The following SHANK2 variants were observed in gnomAD, a reference collection of about 807,000 sequenced individuals.
The protein encoded by SHANK2 is SH3 and multiple ankyrin repeat domains 2, also known as SH3 and multiple ankyrin repeat domains protein 2.
SHANK2 carries 43 observed loss-of-function variants against 133.7 expected under a neutral mutation model. The ratio of observed to expected loss-of-function variants is 0.32; its 90% CI spans 0.25 to 0.41. The LOEUF (loss-of-function observed/expected upper bound fraction) is 0.41. SHANK2 is among the 10% of genes least tolerant of loss of function. The probability of loss-of-function intolerance (pLI) is 1.00; values close to 1 mark genes in which losing one functional copy is unlikely to be tolerated. For missense variants in SHANK2, 1,994 were observed against 2,235.8 expected, an observed-to-expected ratio of 0.89 and a Z score of 2.18; for synonymous variants, 1,017 against 952.8, an observed-to-expected ratio of 1.07 and a Z score of -1.24.
In SHANK2 at chr11:70,739,925, G is replaced by A. The variant is rs1353850725; in HGVS notation, c.1778-41162C>T. 3.8e-4 allele frequency among the ~76,000 whole-genome samples: 58 copies of A among 152,236 alleles called. No homozygotes were observed. The highest frequency in any genetic ancestry group is 3.5e-3 in the Admixed American group (54 of 15,288). On this transcript the variant is annotated intron_variant, in intron 14 of 25. Coordinates refer to ENST00000601538, the MANE Select transcript of SHANK2 (RefSeq NM_012309.5). This position sits in a 1 kb window ranked among gnomAD's most constrained non-coding sequence, Gnocchi z 4.3. ...ATGATGATCCCGAATCCTGGCATTCGGTGGCACGCAGGTAGGGCACAGAAG... is the reference window on the plus strand; with the variant it reads ...ATGATGATCCCGAATCCTGGCATTCAGTGGCACGCAGGTAGGGCACAGAAG...
rs2058822283 is a variant in SHANK2, at chr11:70,487,194, G to A, written c.3099C>T (p.Thr1033=). 6.2e-7 allele frequency: 1 copy of A among 1,613,806 alleles called. No homozygotes were observed. The highest frequency in any genetic ancestry group is 8.5e-7 in the Non-Finnish European group (1 of 1,180,022). The change falls in exon 25 of 26, where the codon ACC becomes ACT. Residue 1033 remains threonine (T), a synonymous_variant. Transcript: ENST00000601538. The surrounding 1 kb of genome is among the most constrained non-coding windows in gnomAD (Gnocchi z 5.8). ...PEKTCSIPIP[T]IIVKEPSTSS... ...TGGTGGACGGCTCCTTCACGATGAT[G>A]GTCGGGATAGGGATGGAGCACGTCT...
intron 17 of SHANK2, among the ~76,000 whole-genome samples, chr11:70,574,025 A>G (rs2060084657): frequency 6.6e-6 from 1 of 151,974 alleles, no homozygotes; most frequent in Non-Finnish European, 1.5e-5. Context: ...CCAAACATGG[A>G]CACTTCTCAG....
At chr11:70,587,042 T>C (rs1554986940) in intron 17 of SHANK2, among the ~76,000 whole-genome samples, 1 of 152,208 alleles carries the variant, frequency 6.6e-6, no homozygotes, top group East Asian at 1.9e-4. Flanking sequence ...CCAGTGCTCT[T>C]GTTGAACAAA....
intron 14 of SHANK2, among the ~76,000 whole-genome samples, chr11:70,780,930 T>C (rs1157711040): frequency 6.6e-6 from 1 of 152,152 alleles, no homozygotes; most frequent in Non-Finnish European, 1.5e-5. Context: ...TTTGTTGTTG[T>C]TGTTTTAACG....
At chr11:70,844,917 A>G (rs1352084173) in intron 11 of SHANK2, among the ~76,000 whole-genome samples, 2 of 152,098 alleles carry the variant, frequency 1.3e-5, no homozygotes, top group African/African-American at 2.4e-5. Flanking sequence ...AAAATAAAAT[A>G]GGGCTGGGTG....
At chr11:71,229,589 TG>T (rs1387050008) in intron 1 of SHANK2, among the ~76,000 whole-genome samples, 80 of 151,822 alleles carry the variant, frequency 5.3e-4, no homozygotes, top group African/African-American at 1.9e-3. Context: ...GCCAACATGG[TG>T]AAACCCCGTC....
intron 2 of SHANK2, among the ~76,000 whole-genome samples, chr11:71,201,219 T>C (rs547294576): frequency 5.3e-5 from 8 of 152,194 alleles, no homozygotes; most frequent in African/African-American, 1.9e-4. Context: ...CCACGTGCCC[T>C]CCCCCATATT....
At chr11:70,678,192 G>C (rs1944942073) in intron 15 of SHANK2, among the ~76,000 whole-genome samples, 1 of 152,290 alleles carries the variant, frequency 6.6e-6, no homozygotes. Context: ...TGTCACCCAG[G>C]CTGGAGTGCA....
intron 15 of SHANK2, among the ~76,000 whole-genome samples, chr11:70,686,364 G>C (rs1555019632): frequency 7.0e-6 from 1 of 143,348 alleles, no homozygotes; most frequent in African/African-American, 2.6e-5. Context: ...CACCCATCCA[G>C]CCCCTCATCT....
intron 11 of SHANK2, among the ~76,000 whole-genome samples, chr11:70,894,290 C>T (rs999313689): frequency 2.0e-5 from 3 of 152,074 alleles, no homozygotes; most frequent in South Asian, 2.1e-4. Flanking sequence ...CGGGTTCAAG[C>T]GATTCTCCTG....
chr11:71,124,024 TG>T (rs1952125245), intron 3 of SHANK2, among the ~76,000 whole-genome samples: 2 of 151,110 alleles, frequency 1.3e-5, no homozygotes. Context: ...GTAATGGTGA[TG>T]ATGGTGGTGG....
intron 14 of SHANK2, among the ~76,000 whole-genome samples, chr11:70,753,214 GGACAGCCACAC>G (rs1324161708): frequency 6.7e-6 from 1 of 149,594 alleles, no homozygotes; most frequent in Non-Finnish European, 1.5e-5. Flanking sequence ...AAAACAAAAT[GGACAGCCACAC>G]GATGATACTG....
intron 10 of SHANK2, among the ~76,000 whole-genome samples, chr11:70,943,603 C>T (rs1394396330): frequency 6.6e-6 from 1 of 152,168 alleles, no homozygotes; most frequent in Non-Finnish European, 1.5e-5. Context: ...GGAGAAGAGC[C>T]TGGGCCAGAA....
At chr11:70,589,910 T>C (rs11236755) in intron 17 of SHANK2, among the ~76,000 whole-genome samples, 29,227 of 152,098 alleles carry the variant, frequency 0.19, 3,129 homozygotes, top group East Asian at 0.41. Flanking sequence ...TCCCAGCACT[T>C]TGGGAGGCCG....
Position 70,473,864 on chromosome 11 carries a change from T to A in SHANK2, c.4980-425A>T. ...AGAGGGCACGGAGACAGGGACAGAGTGGGGTCCTGTCACCTGGGTAGAACG... is the reference window on the plus strand; with the variant it reads ...AGAGGGCACGGAGACAGGGACAGAGAGGGGTCCTGTCACCTGGGTAGAACG... On this transcript the variant is annotated intron_variant, in intron 25 of 25. Transcript: ENST00000601538. The surrounding 1 kb of genome is among the most constrained non-coding windows in gnomAD (Gnocchi z 5.9). 3.2e-6 allele frequency: 1 copy of A among 310,728 alleles called. No individual in the cohort carries two copies. The highest frequency in any genetic ancestry group is 2.2e-5 in the African/African-American group (1 of 46,488). 19.2% of individuals were successfully genotyped at this position (310,728 alleles called of 1,614,324 possible).
At position 70,486,734 on chromosome 11, in the gene SHANK2, C is replaced by T; in HGVS notation, c.3559G>A (p.Ala1187Thr). 6.2e-7 allele frequency: 1 copy of T among 1,610,526 alleles called. No individual in the cohort carries two copies. Among genetic ancestry groups the T allele is most frequent in the African/African-American group, 1.3e-5 (1 of 75,028 alleles). ...GTGCCGCTGCTCGCGGAGGGCACTG[C>T]TGGGCTGCTCTCGGGCCCCTGGGCT... ...SKAQGPESSP[A>T]VPSASSGTAG... The change falls in exon 25 of 26, where the codon GCA becomes ACA. Residue 1187 changes from alanine (A) to threonine (T), a missense_variant. By Grantham distance (58) the Ala-to-Thr change is moderately conservative. Transcript: ENST00000601538. The surrounding 1 kb of genome is among the most constrained non-coding windows in gnomAD (Gnocchi z 8.0).
At chr11:70,910,218 A>AT (rs1257299662) in intron 10 of SHANK2, among the ~76,000 whole-genome samples, 5 of 152,214 alleles carry the variant, frequency 3.3e-5, no homozygotes, top group African/African-American at 1.2e-4. Flanking sequence ...CAATGCAGGA[A>AT]TTTAGGGGGA....
chr11:70,684,293 G>C (rs1409610267), intron 15 of SHANK2, among the ~76,000 whole-genome samples: 2 of 152,096 alleles, frequency 1.3e-5, no homozygotes, highest in African/African-American at 2.4e-5. Context: ...GGCTGGGCAC[G>C]GCGCATGCAT....
chr11:70,728,601 C>T (rs1555031284), intron 14 of SHANK2, among the ~76,000 whole-genome samples: 1 of 152,134 alleles, frequency 6.6e-6, no homozygotes. Context: ...GGATTCTTAC[C>T]CAAACAACAC....
Sources: gnomAD v4.1 joint callset for allele counts (sites outside exome capture counted in the v4.1 genomes callset) on GRCh38, gnomAD v4.1.1 for gene constraint, Gnocchi (gnomAD v3.1) non-coding constraint, MANE v1.5 for transcripts, NCBI Gene and HGNC (gene_info 2026-07-23, HGNC 2026-07-21) for gene names.